Variants in ADCY8 observed in about 807,000 individuals in gnomAD.
The protein encoded by ADCY8 is adenylate cyclase 8.
ADCY8 carries 51 observed loss-of-function variants against 119.7 expected under a neutral mutation model. The ratio of observed to expected loss-of-function variants is 0.43; its 90% CI spans 0.34 to 0.54. ADCY8 has a LOEUF of 0.54. ADCY8 is among the 20% of genes least tolerant of loss of function. ADCY8 has a pLI of 0.03. For synonymous variants in ADCY8, 665 were observed against 651.0 expected, an observed-to-expected ratio of 1.02 and a Z score of -0.33; for missense variants, 1,383 against 1,598.8, an observed-to-expected ratio of 0.87 and a Z score of 2.30.
intron 1 of ADCY8, among the ~76,000 whole-genome samples, chr8:131,034,455 G>T (rs1033957512): frequency 6.6e-6 from 1 of 151,146 alleles, no homozygotes; most frequent in Non-Finnish European, 1.5e-5. Context: ...CCAGCACAAA[G>T]AAAAAAAAAT....
intron 13 of ADCY8, among the ~76,000 whole-genome samples, chr8:130,820,948 C>T (rs1816490682): frequency 6.6e-6 from 1 of 152,182 alleles, no homozygotes; most frequent in Non-Finnish European, 1.5e-5. Context: ...CAAAATCATA[C>T]ACTGCTGAGA....
intron 2 of ADCY8, among the ~76,000 whole-genome samples, chr8:130,972,409 C>G (rs1382902493): frequency 2.6e-5 from 4 of 152,152 alleles, no homozygotes; most frequent in African/African-American, 9.7e-5. Flanking sequence ...ATTTGCAACA[C>G]ATACACATAC....
rs561648070 is a variant in ADCY8 at position 130,965,681 on chromosome 8, A to T, written c.1111-13683T>A. Among the ~76,000 whole-genome samples, 4 of 152,298 alleles carry T rather than the reference A, an allele frequency of 2.6e-5. No homozygotes were observed. In the South Asian group the frequency reaches 8.3e-4, roughly 32 times the overall value. On this transcript the variant is annotated intron_variant, in intron 2 of 17. Coordinates refer to ENST00000286355, the MANE Select transcript of ADCY8 (RefSeq NM_001115.3). Reference sequence around the variant, plus strand: ...ATATTATCAGAATATTTGATTTCTGATAATCATTTGAATGTAAAATGGAAA... The same window carrying T: ...ATATTATCAGAATATTTGATTTCTGTTAATCATTTGAATGTAAAATGGAAA...
intron 15 of ADCY8, among the ~76,000 whole-genome samples, chr8:130,786,724 A>G (rs1815259079): frequency 6.6e-6 from 1 of 152,200 alleles, no homozygotes; most frequent in South Asian, 2.1e-4. Flanking sequence ...TACACAGAAC[A>G]TGCCCTAGTT....
intron 1 of ADCY8, among the ~76,000 whole-genome samples, chr8:131,023,055 A>G (rs1213094499): frequency 1.3e-5 from 2 of 152,188 alleles, no homozygotes; most frequent in African/African-American, 4.8e-5. Context: ...GACTCTAGCT[A>G]GGTTAAACTC....
intron 15 of ADCY8, among the ~76,000 whole-genome samples, chr8:130,797,254 T>A (rs1815611878): frequency 3.3e-5 from 5 of 152,158 alleles, no homozygotes. Context: ...TTAAAGCCCA[T>A]CAGCTATCCT....
chr8:131,004,344 C>T (rs1462717944), intron 1 of ADCY8, among the ~76,000 whole-genome samples: 1 of 152,152 alleles, frequency 6.6e-6, no homozygotes, highest in Non-Finnish European at 1.5e-5. Flanking sequence ...CCTCCCATTC[C>T]CACTCCACCT....
At chr8:130,849,253 G>A (rs1401349001) in intron 10 of ADCY8, among the ~76,000 whole-genome samples, 1 of 152,150 alleles carries the variant, frequency 6.6e-6, no homozygotes, top group Non-Finnish European at 1.5e-5. Flanking sequence ...AATATGTAAA[G>A]GTCCTCCTTC....
rs181990603 is a variant in ADCY8, at chr8:130,921,673, G to A, written c.1482-11807C>T. ...TCTCCATGTTGGTCAGACTGGTCTC[G>A]AACTCCCGATCTCAGGTGATCTGCC... is the stretch of plus-strand genomic sequence containing the variant. On this transcript the variant is annotated intron_variant, in intron 5 of 17. Transcript: ENST00000286355. 6.6e-5 allele frequency among the ~76,000 whole-genome samples: 10 copies of A among 152,038 alleles called. No homozygotes were observed. The East Asian group carries it at 1.4e-3, about 21-fold the overall frequency.
At chr8:130,957,494 A>C (rs6987249) in intron 2 of ADCY8, among the ~76,000 whole-genome samples, 122,731 of 152,100 alleles carry the variant, frequency 0.81, 52,228 homozygotes, top group East Asian at 0.95. Flanking sequence ...AAAAGAAAAA[A>C]CAATTTTCTG....
rs557864728 is a variant in ADCY8, at chr8:130,789,997, A to G, written c.3061-4522T>C. On this transcript the variant is annotated intron_variant, in intron 15 of 17. Coordinates refer to ENST00000286355, the MANE Select transcript of ADCY8 (RefSeq NM_001115.3). ...GAGCTGCCTGGGGGATAGTCAAGTCATTCATTCATTTATTCATCCAGTAGG... is the reference window on the plus strand; with the variant it reads ...GAGCTGCCTGGGGGATAGTCAAGTCGTTCATTCATTTATTCATCCAGTAGG... 4.6e-5 allele frequency among the ~76,000 whole-genome samples: 7 copies of G among 152,276 alleles called. 1 individual carries two copies. Among genetic ancestry groups the G allele is most frequent in the African/African-American group, 1.7e-4 (7 of 41,544 alleles).
chr8:130,786,045 C>A (rs1271734616), intron 15 of ADCY8, among the ~76,000 whole-genome samples: 2 of 152,206 alleles, frequency 1.3e-5, no homozygotes, highest in Non-Finnish European at 2.9e-5. Flanking sequence ...CTTTGCAGTG[C>A]AGTCTTCTTG....
At chr8:130,870,528 G>A (rs1398941139) in intron 8 of ADCY8, among the ~76,000 whole-genome samples, 3 of 152,074 alleles carry the variant, frequency 2.0e-5, no homozygotes, top group African/African-American at 7.2e-5. Flanking sequence ...TCTTTTCTCT[G>A]GTCCTAAGCA....
At chr8:130,925,778 C>T (rs1820447438) in intron 5 of ADCY8, among the ~76,000 whole-genome samples, 1 of 152,156 alleles carries the variant, frequency 6.6e-6, no homozygotes, top group East Asian at 1.9e-4. Flanking sequence ...CACATATTGT[C>T]TGTTGGGTGA....
chr8:130,865,346 A>T (rs1405507602), intron 9 of ADCY8, among the ~76,000 whole-genome samples: 2 of 151,862 alleles, frequency 1.3e-5, no homozygotes, highest in South Asian at 2.1e-4. Context: ...TATATATTTT[A>T]AAATTTTTAT....
chr8:130,881,072 A>T (rs969236091), intron 8 of ADCY8, among the ~76,000 whole-genome samples: 4 of 152,178 alleles, frequency 2.6e-5, no homozygotes, highest in African/African-American at 9.6e-5. Flanking sequence ...CATGGCAGGG[A>T]GTACACAGAA....
At chr8:130,869,939 C>CTCTTCTTCTTCT (rs757467612) in intron 8 of ADCY8, among the ~76,000 whole-genome samples, 2 of 145,288 alleles carry the variant, frequency 1.4e-5, no homozygotes, top group African/African-American at 5.2e-5. Context: ...CCTCCTCCTC[C>CTCTTCTTCTTCT]TCTTCTTCTT....
At chr8:130,824,194 A>G (rs1179785398) in intron 12 of ADCY8, among the ~76,000 whole-genome samples, 3 of 152,168 alleles carry the variant, frequency 2.0e-5, no homozygotes, top group Non-Finnish European at 4.4e-5. Context: ...CTTCTATGAC[A>G]CTCATAATAA....
chr8:130,899,355 C>G (rs1819517015), intron 7 of ADCY8, among the ~76,000 whole-genome samples: 1 of 152,140 alleles, frequency 6.6e-6, no homozygotes, highest in Non-Finnish European at 1.5e-5. Flanking sequence ...CCTGTAATCC[C>G]AGAACTTTGG....
Sources: gnomAD v4.1 joint callset for allele counts (sites outside exome capture counted in the v4.1 genomes callset) on GRCh38, gnomAD v4.1.1 for gene constraint, MANE v1.5 for transcripts, NCBI Gene and HGNC (gene_info 2026-07-23, HGNC 2026-07-21) for gene names.